Variants in ZFHX3 observed in about 807,000 individuals in gnomAD.
The protein encoded by ZFHX3 is zinc finger homeobox protein 3.
Under a neutral mutation model 279.1 loss-of-function variants are expected in ZFHX3, and 42 were observed. That is an observed-to-expected ratio of 0.15 (90% CI 0.12 to 0.19). The LOEUF (loss-of-function observed/expected upper bound fraction) is 0.19. Among genes scored for constraint, ZFHX3 ranks in the 10% least tolerant of loss-of-function variants. ZFHX3 has a pLI of 1.00. For missense variants in ZFHX3, 4,981 were observed against 4,754.0 expected (o/e 1.05, Z -1.40); for synonymous variants, 2,293 against 1,957.8 (o/e 1.17, Z -4.52).
At chr16:73,410,942 G>A (rs2017453818) in intron 3 of ZFHX3, among the ~76,000 whole-genome samples, 2 of 152,178 alleles carry the variant, frequency 1.3e-5, no homozygotes, top group South Asian at 2.1e-4. Flanking sequence ...GCCCAGCACC[G>A]AATAATCAAA....
At chr16:73,865,308 A>T (rs1334298179) in intron 1 of ZFHX3, among the ~76,000 whole-genome samples, 2 of 152,224 alleles carry the variant, frequency 1.3e-5, no homozygotes, top group Admixed American at 6.5e-5. Flanking sequence ...AAAGGCCTGG[A>T]ATCTATGCAA....
chr16:73,512,240 C>A (rs1284703339), intron 2 of ZFHX3, among the ~76,000 whole-genome samples: 1 of 145,708 alleles, frequency 6.9e-6, no homozygotes, highest in African/African-American at 2.6e-5. Context: ...CCATCCTGGC[C>A]CACATGGTGA....
chr16:73,835,513 A>G (rs1252915480), intron 1 of ZFHX3, among the ~76,000 whole-genome samples: 2 of 118,656 alleles, frequency 1.7e-5, no homozygotes, highest in African/African-American at 3.3e-5. Context: ...TCTTGTCATC[A>G]AGGCTGGAGT....
upstream of ZFHX3, among the ~76,000 whole-genome samples, chr16:73,052,602 T>C (rs1965471377): frequency 6.6e-6 from 1 of 152,200 alleles, no homozygotes; most frequent in South Asian, 2.1e-4. Flanking sequence ...GGATTTCTAT[T>C]GAGGCTGTTC....
chr16:73,701,259 T>A (rs1235434847), intron 1 of ZFHX3, among the ~76,000 whole-genome samples: 1 of 152,266 alleles, frequency 6.6e-6, no homozygotes, highest in East Asian at 1.9e-4. Flanking sequence ...TTATTGTTAT[T>A]ATAAGACAGT....
chr16:73,196,788 G>C (rs1210401913), intron 5 of ZFHX3, among the ~76,000 whole-genome samples: 1 of 152,164 alleles, frequency 6.6e-6, no homozygotes, highest in Non-Finnish European at 1.5e-5. Context: ...GAGGTTTTGA[G>C]AGGACTCTAC....
intron 1 of ZFHX3, among the ~76,000 whole-genome samples, chr16:73,045,806 G>C (rs992904962): frequency 2.1e-5 from 2 of 95,554 alleles, no homozygotes; most frequent in African/African-American, 5.2e-5. Flanking sequence ...AAAAAAAAGT[G>C]GGGGGGGGTT....
chr16:72,806,964 G>C (rs2036284971), intron 7 of ZFHX3: 1 of 152,180 alleles, frequency 6.6e-6, no homozygotes, highest in African/African-American at 2.4e-5. Context: ...CAGTGCTTCA[G>C]GATCCCAGTG....
intron 5 of ZFHX3, among the ~76,000 whole-genome samples, chr16:73,173,387 T>C (rs75485245): frequency 1.2e-3 from 142 of 115,056 alleles, no homozygotes; most frequent in Non-Finnish European, 1.8e-3. Flanking sequence ...CGCCCCGGCA[T>C]ATTTGTCCTC....
chr16:72,867,349 C>T (rs948666236), intron 4 of ZFHX3, among the ~76,000 whole-genome samples: 1 of 152,190 alleles, frequency 6.6e-6, no homozygotes, highest in African/African-American at 2.4e-5. Flanking sequence ...GAAACGTGCA[C>T]TTTACGCAAT....
At chr16:73,751,266 C>A (rs1342898431) in intron 1 of ZFHX3, among the ~76,000 whole-genome samples, 1 of 152,144 alleles carries the variant, frequency 6.6e-6, no homozygotes, top group Non-Finnish European at 1.5e-5. Context: ...GTACTCAGTG[C>A]CCATACTCTA....
chr16:73,749,110 C>G (rs2053732634), intron 1 of ZFHX3, among the ~76,000 whole-genome samples: 1 of 152,094 alleles, frequency 6.6e-6, no homozygotes, highest in Non-Finnish European at 1.5e-5. Flanking sequence ...TTCTAAACTA[C>G]CAATCTTTCA....
chr16:73,628,597 G>T (rs2052439943), intron 2 of ZFHX3, among the ~76,000 whole-genome samples: 1 of 152,126 alleles, frequency 6.6e-6, no homozygotes, highest in African/African-American at 2.4e-5. Flanking sequence ...TAGATACTCA[G>T]TAAATTAACA....
chr16:73,851,015 T>C (rs1291848665), intron 1 of ZFHX3, among the ~76,000 whole-genome samples: 1 of 152,032 alleles, frequency 6.6e-6, no homozygotes, highest in African/African-American at 2.4e-5. Context: ...TCCCCCTCCT[T>C]CAAAATTTTC....
chr16:73,369,550 C>A (rs931912150), intron 3 of ZFHX3, among the ~76,000 whole-genome samples: 6 of 152,262 alleles, frequency 3.9e-5, no homozygotes, highest in African/African-American at 9.6e-5. Flanking sequence ...ACCATTCCTG[C>A]CTCACAGGTT....
intron 3 of ZFHX3, among the ~76,000 whole-genome samples, chr16:72,915,117 G>A (rs1345345394): frequency 1.3e-5 from 2 of 152,142 alleles, no homozygotes; most frequent in East Asian, 3.8e-4. Flanking sequence ...ATGATGAAGT[G>A]TGTAGGAAGC....
intron 2 of ZFHX3, among the ~76,000 whole-genome samples, chr16:73,660,544 A>T (rs1378280825): frequency 6.6e-6 from 1 of 152,238 alleles, no homozygotes; most frequent in Non-Finnish European, 1.5e-5. Flanking sequence ...TAAACCATTT[A>T]TATAAACATT....
intron 1 of ZFHX3, among the ~76,000 whole-genome samples, chr16:73,749,843 G>A (rs2053744120): frequency 6.6e-6 from 1 of 152,190 alleles, no homozygotes. Flanking sequence ...GCCTTGGATG[G>A]CCCTGAACTG....
intron 1 of ZFHX3, among the ~76,000 whole-genome samples, chr16:73,710,300 C>T (rs16972343): frequency 0.025 from 3,881 of 152,268 alleles, 164 homozygotes; most frequent in African/African-American, 0.089. Context: ...TAAATGGTAA[C>T]GATCATGTGG....
Sources: gnomAD v4.1 joint callset for allele counts (sites outside exome capture counted in the v4.1 genomes callset) on GRCh38, gnomAD v4.1.1 for gene constraint, MANE v1.5 for transcripts, NCBI Gene and HGNC (gene_info 2026-07-23, HGNC 2026-07-21) for gene names.